IQCM: variants seen among roughly 807,000 people sequenced by gnomAD.
IQCM encodes the protein IQ motif containing M, also known as IQ domain-containing protein M.
A neutral mutation model predicts 57.6 loss-of-function variants in IQCM; 45 were observed. The ratio of observed to expected loss-of-function variants is 0.78; its 90% CI spans 0.62 to 1.00. The LOEUF (loss-of-function observed/expected upper bound fraction) is 1.00. IQCM is among the 50% of genes least tolerant of loss of function. IQCM has a pLI of 0.00. For synonymous variants in IQCM, 148 were observed against 158.9 expected, an observed-to-expected ratio of 0.93 and a Z score of 0.51; for missense variants, 468 against 511.6, an observed-to-expected ratio of 0.91 and a Z score of 0.82.
intron 8 of IQCM, among the ~76,000 whole-genome samples, chr4:149,606,334 G>A (rs1309025030): frequency 6.6e-6 from 1 of 152,136 alleles, no homozygotes; most frequent in African/African-American, 2.4e-5. Flanking sequence ...GGGTTTACCA[G>A]GAACACTGGT....
rs543416258 is a variant in IQCM, at chr4:149,492,938, C to A, written c.1228+55517G>T. 1.5e-3 allele frequency among the ~76,000 whole-genome samples: 225 copies of A among 152,212 alleles called. 1 individual carries two copies. Among genetic ancestry groups the A allele is most frequent in the African/African-American group, 5.2e-3 (218 of 41,548 alleles). On this transcript the variant is annotated intron_variant, in intron 12 of 13. Transcript: ENST00000636793. ...CCTCCCAGTCAGGAAGTCATCTGAC[C>A]CCTGACTGCATGTGGCCCATGCCAC...
intron 2 of IQCM, among the ~76,000 whole-genome samples, chr4:149,744,986 C>T (rs1181694825): frequency 6.6e-6 from 1 of 152,048 alleles, no homozygotes; most frequent in Non-Finnish European, 1.5e-5. Flanking sequence ...ATCACCGAGG[C>T]CTGAGAAGGT....
intron 2 of IQCM, among the ~76,000 whole-genome samples, chr4:149,783,787 C>T (rs886531649): frequency 1.3e-5 from 2 of 152,070 alleles, no homozygotes; most frequent in Admixed American, 1.3e-4. Flanking sequence ...TAAAGAAGTC[C>T]ACGTGACAAA....
At chr4:149,748,536 T>G (rs972668550) in intron 2 of IQCM, among the ~76,000 whole-genome samples, 1 of 152,162 alleles carries the variant, frequency 6.6e-6, no homozygotes, top group Non-Finnish European at 1.5e-5. Context: ...ACCTTTTGAC[T>G]CTCTTAATGG....
chr4:149,556,226 G>C (rs1046026065), intron 10 of IQCM, among the ~76,000 whole-genome samples: 2 of 151,366 alleles, frequency 1.3e-5, no homozygotes, highest in African/African-American at 4.9e-5. Context: ...ATGGACAAAT[G>C]TATTATACTT....
intron 2 of IQCM, among the ~76,000 whole-genome samples, chr4:149,813,943 A>C (rs1774822489): frequency 6.6e-6 from 1 of 152,052 alleles, no homozygotes; most frequent in Non-Finnish European, 1.5e-5. Flanking sequence ...GCTTCATTAC[A>C]AACCTCCCAA....
intron 5 of IQCM, among the ~76,000 whole-genome samples, chr4:149,699,002 G>A (rs1480565233): frequency 6.6e-6 from 1 of 151,966 alleles, no homozygotes; most frequent in South Asian, 2.1e-4. Context: ...TAGTGATGTT[G>A]ATGATTATAA....
At chr4:149,803,850 G>A (rs939674518) in intron 2 of IQCM, among the ~76,000 whole-genome samples, 2 of 151,852 alleles carry the variant, frequency 1.3e-5, no homozygotes, top group Non-Finnish European at 2.9e-5. Context: ...ATAATTTTCT[G>A]TTATTGTATA....
chr4:149,386,113 C>G (rs1367726734), intron 13 of IQCM, among the ~76,000 whole-genome samples: 2 of 152,036 alleles, frequency 1.3e-5, no homozygotes, highest in African/African-American at 4.8e-5. Flanking sequence ...TTGGTTAGTG[C>G]TCCATCTTGT....
At chr4:149,356,316 G>T (rs891254721) in intron 13 of IQCM, among the ~76,000 whole-genome samples, 1 of 152,118 alleles carries the variant, frequency 6.6e-6, no homozygotes, top group Non-Finnish European at 1.5e-5. Flanking sequence ...TGAAGTCCCT[G>T]CCCATGCCTA....
chr4:149,414,579 A>G (rs1733614447), intron 13 of IQCM, among the ~76,000 whole-genome samples: 2 of 152,168 alleles, frequency 1.3e-5, no homozygotes, highest in African/African-American at 4.8e-5. Flanking sequence ...TCCTTACGAT[A>G]AAAATTTAAT....
At chr4:149,785,421 C>T (rs890222650) in intron 2 of IQCM, among the ~76,000 whole-genome samples, 6 of 151,986 alleles carry the variant, frequency 3.9e-5, no homozygotes, top group Admixed American at 6.6e-5. Flanking sequence ...TCATGAATAA[C>T]GGTTGGTAGG....
chr4:149,713,543 C>G (rs1764738996), intron 5 of IQCM, among the ~76,000 whole-genome samples: 1 of 152,148 alleles, frequency 6.6e-6, no homozygotes, highest in Non-Finnish European at 1.5e-5. Context: ...TCAGTCCATT[C>G]ACTCTCCCGT....
chr4:149,519,721 T>G (rs1471704643), intron 12 of IQCM, among the ~76,000 whole-genome samples: 2 of 151,882 alleles, frequency 1.3e-5, no homozygotes, highest in Admixed American at 6.6e-5. Context: ...TATCCTGTTT[T>G]GGGCTGGGCA....
intron 13 of IQCM, among the ~76,000 whole-genome samples, chr4:149,422,011 T>C (rs1254812072): frequency 6.6e-6 from 1 of 151,950 alleles, no homozygotes; most frequent in East Asian, 1.9e-4. Context: ...CTAATTTAAC[T>C]GACAGTCAAA....
intron 2 of IQCM, among the ~76,000 whole-genome samples, chr4:149,769,903 A>C (rs1187098813): frequency 1.3e-5 from 2 of 152,108 alleles, no homozygotes; most frequent in Non-Finnish European, 2.9e-5. Context: ...AATGCAGGAG[A>C]GTTAACACTA....
At chr4:149,611,918 C>G (rs1002345459) in intron 8 of IQCM, among the ~76,000 whole-genome samples, 2 of 151,294 alleles carry the variant, frequency 1.3e-5, no homozygotes, top group Non-Finnish European at 2.9e-5. Flanking sequence ...TCATATGTAC[C>G]CCATGAAAAT....
intron 12 of IQCM, among the ~76,000 whole-genome samples, chr4:149,519,322 C>A (rs1271020139): frequency 6.6e-6 from 1 of 152,032 alleles, no homozygotes; most frequent in African/African-American, 2.4e-5. Flanking sequence ...CAGACCATAC[C>A]CTTAAAAGTG....
At chr4:149,419,134 A>G (rs1733952378) in intron 13 of IQCM, among the ~76,000 whole-genome samples, 1 of 152,168 alleles carries the variant, frequency 6.6e-6, no homozygotes, top group African/African-American at 2.4e-5. Context: ...GCTATAGAAG[A>G]AACTATTTTA....
Sources: allele counts gnomAD v4.1 joint callset (sites outside exome capture counted in the v4.1 genomes callset), GRCh38; gene constraint gnomAD v4.1.1; transcripts MANE v1.5; gene names NCBI Gene and HGNC (gene_info 2026-07-23, HGNC 2026-07-21).